Variants in METTL21A observed in about 807,000 individuals in gnomAD.
METTL21A encodes methyltransferase 21A, HSPA lysine.
In METTL21A, 22 loss-of-function variants were observed where a neutral mutation model predicts 20.9. That is an observed-to-expected ratio of 1.05 (90% confidence interval 0.75 to 1.50). METTL21A has a LOEUF of 1.50. Among genes scored for constraint, METTL21A ranks in the 40% most tolerant of loss-of-function variants. METTL21A has a pLI of 0.00. For synonymous variants in METTL21A, 93 were observed against 102.0 expected (o/e 0.91, Z 0.53); for missense variants, 271 against 266.8 (o/e 1.02, Z -0.11).
At chr2:207,599,695 CT>C in intron 3 of METTL21A, 1 of 195,902 alleles carries the variant, frequency 5.1e-6, no homozygotes, top group Non-Finnish European at 1.1e-5. Context: ...GTGCAGTTTT[CT>C]TTTTTTAATG....
At chr2:207,595,359 G>A (rs2085939283) in intron 3 of METTL21A, among the ~76,000 whole-genome samples, 1 of 151,988 alleles carries the variant, frequency 6.6e-6, no homozygotes, top group African/African-American at 2.4e-5. Flanking sequence ...AAGTCCCTAT[G>A]CCCATTTTTT....
At chr2:207,605,913 T>C (rs986876389), downstream of METTL21A, among the ~76,000 whole-genome samples, 1 of 152,258 alleles carries the variant, frequency 6.6e-6, no homozygotes, top group Non-Finnish European at 1.5e-5. Flanking sequence ...TATTAACTTA[T>C]GTTGATTACT....
intron 3 of METTL21A, among the ~76,000 whole-genome samples, chr2:207,589,462 C>A (rs2084542373): frequency 6.6e-6 from 1 of 152,190 alleles, no homozygotes; most frequent in Non-Finnish European, 1.5e-5. Context: ...TTAAGGTCAG[C>A]TAATTAACAA....
intron 3 of METTL21A, among the ~76,000 whole-genome samples, chr2:207,589,644 G>A (rs552838756): frequency 2.0e-5 from 3 of 152,198 alleles, no homozygotes; most frequent in African/African-American, 7.2e-5. Flanking sequence ...TTGATTTTTA[G>A]TTTCTGAGAG....
chr2:207,581,222 A>G, downstream of METTL21A: 1 of 205,248 alleles, frequency 4.9e-6, no homozygotes, highest in East Asian at 7.5e-5. Flanking sequence ...CAGAAGACTA[A>G]TGAGTTGAGG....
chr2:207,620,367 C>T (rs565374450), intron 3 of METTL21A, among the ~76,000 whole-genome samples: 10 of 151,966 alleles, frequency 6.6e-5, no homozygotes, highest in South Asian at 4.2e-4. Flanking sequence ...TGCTTGAACC[C>T]GGGAGGCGGA....
chr2:207,605,306 T>G (rs769317109), downstream of METTL21A, among the ~76,000 whole-genome samples: 3 of 152,246 alleles, frequency 2.0e-5, no homozygotes, highest in Non-Finnish European at 2.9e-5. Context: ...ATTTCCCTGA[T>G]TACTAATGAT....
intron 2 of METTL21A, 99 bp from the exon 3 acceptor site, chr2:207,622,016 G>A (rs2090547011): frequency 7.1e-6 from 7 of 984,460 alleles, no homozygotes; most frequent in Non-Finnish European, 1.1e-5. Context: ...CCACTTCGAG[G>A]TTCAATTCCC....
intron 3 of METTL21A, among the ~76,000 whole-genome samples, chr2:207,593,984 G>A (rs747930558): frequency 3.3e-5 from 5 of 152,070 alleles, no homozygotes; most frequent in Non-Finnish European, 7.3e-5. Flanking sequence ...CTCCCAAAGC[G>A]CTGGGACCTG....
At chr2:207,608,852 G>A (rs1209851724), downstream of METTL21A, among the ~76,000 whole-genome samples, 1 of 152,168 alleles carries the variant, frequency 6.6e-6, no homozygotes, top group Non-Finnish European at 1.5e-5. Flanking sequence ...GCGTGAATAC[G>A]GGAGGCGGAG....
chr2:207,595,546 A>G (rs1231572392), intron 3 of METTL21A, among the ~76,000 whole-genome samples: 1 of 151,174 alleles, frequency 6.6e-6, no homozygotes, highest in Non-Finnish European at 1.5e-5. Context: ...AGTAGCTGAG[A>G]CTACACGCAC....
At position 207,595,556 on chromosome 2, in the gene METTL21A, C is replaced by A. The variant is rs2085981447; in HGVS notation, c.260-13396G>T. On this transcript the variant is annotated intron_variant, in intron 3 of 3. Coordinates refer to the METTL21A transcript ENST00000425132. ...TCCTGAGTAGCTGAGACTACACGCA[C>A]ACACCACCTAACTAATTTTTAATTG... is the stretch of plus-strand genomic sequence containing the variant. 2.0e-5 allele frequency among the ~76,000 whole-genome samples: 3 copies of A among 151,898 alleles called. No individual in the cohort carries two copies. In the South Asian group the frequency reaches 6.2e-4, roughly 32 times the overall value.
intron 3 of METTL21A, among the ~76,000 whole-genome samples, chr2:207,613,690 A>C (rs1015863194): frequency 5.3e-5 from 8 of 152,210 alleles, no homozygotes; most frequent in African/African-American, 1.9e-4. Flanking sequence ...TGTGCCTATA[A>C]ATTGCAGAAT....
intron 3 of METTL21A, among the ~76,000 whole-genome samples, chr2:207,582,521 A>G (rs554568911): frequency 6.6e-6 from 1 of 152,330 alleles, no homozygotes; most frequent in Admixed American, 6.5e-5. Flanking sequence ...AGCTTTGGCT[A>G]CTGGGATCTT....
downstream of METTL21A, among the ~76,000 whole-genome samples, chr2:207,607,965 C>T (rs1048262384): frequency 1.1e-4 from 16 of 152,124 alleles, no homozygotes; most frequent in Non-Finnish European, 1.6e-4. Context: ...CAGATACGCG[C>T]GCTCGCTCTC....
intron 3 of METTL21A, among the ~76,000 whole-genome samples, chr2:207,590,098 T>TG (rs1169225987): frequency 7.0e-6 from 1 of 143,510 alleles, no homozygotes; most frequent in East Asian, 2.0e-4. Context: ...TTTTTTTTTT[T>TG]TTTTTTTTTA....
At chr2:207,608,007 A>G (rs1372445320), downstream of METTL21A, among the ~76,000 whole-genome samples, 1 of 151,992 alleles carries the variant, frequency 6.6e-6, no homozygotes, top group Non-Finnish European at 1.5e-5. Flanking sequence ...TGAAACACTC[A>G]TTTCCCCAGC....
chr2:207,596,842 A>T, intron 3 of METTL21A: 1 of 1,556,896 alleles, frequency 6.4e-7, no homozygotes, highest in South Asian at 1.2e-5. Flanking sequence ...TAAAAAAGAA[A>T]AAAAAAAGGT....
chr2:207,586,507 A>G (rs1036976490), intron 3 of METTL21A, among the ~76,000 whole-genome samples: 9 of 152,224 alleles, frequency 5.9e-5, no homozygotes, highest in African/African-American at 2.2e-4. Context: ...TAGACTTGGC[A>G]AAAACTTCAT....
Sources: allele counts gnomAD v4.1 joint callset (sites outside exome capture counted in the v4.1 genomes callset), GRCh38; gene constraint gnomAD v4.1.1; transcripts MANE v1.5; gene names NCBI Gene and HGNC (gene_info 2026-07-23, HGNC 2026-07-21).